ZNF550: variants seen among roughly 807,000 people sequenced by gnomAD.
The protein encoded by ZNF550 is zinc finger protein 550.
ZNF550 carries 42 observed loss-of-function variants against 40.2 expected under a neutral mutation model. The ratio of observed to expected loss-of-function variants is 1.05; its 90% CI spans 0.82 to 1.35. ZNF550 has a LOEUF of 1.35. Ranked by LOEUF, ZNF550 falls within the 40% of genes most tolerant of loss-of-function variation. ZNF550 has a pLI of 0.00. For synonymous variants in ZNF550, 223 were observed against 198.6 expected (o/e 1.12, Z -1.03); for missense variants, 549 against 525.2 (o/e 1.05, Z -0.44).
rs377237892 is a variant in ZNF550, at chr19:57,552,742, T to C, written c.155-20A>G. The C allele has an allele frequency of 2.6e-4, 409 of 1,548,468 alleles. No individual in the cohort carries two copies. The highest frequency in any genetic ancestry group is 4.9e-5 in the Non-Finnish European group (56 of 1,136,116). On this transcript the variant is annotated intron_variant, in intron 2 of 4. Coordinates refer to ENST00000457177, the Ensembl canonical transcript of ZNF550. ...GATGCCCTGTTGATAGCAAAAGAAA[T>C]AGAATAGGGGTAATTTAATGAGAAA...
intron 3 of ZNF550, among the ~76,000 whole-genome samples, chr19:57,548,328 T>C (rs528301114): frequency 2.0e-3 from 308 of 152,300 alleles, no homozygotes; most frequent in African/African-American, 7.1e-3. Context: ...TACATCCATC[T>C]GACAAGGGAT....
chr19:57,547,493 G>A lies in ZNF550; in HGVS notation c.751C>T (p.Leu251Phe), dbSNP rs112259349. 2.8e-5 allele frequency: 45 copies of A among 1,613,772 alleles called. 1 individual carries two copies. The Middle Eastern group carries it at 9.9e-4, about 36-fold the overall frequency. ...TATGGTTTCTCCCCGGTGTGGATGA[G>A]GTAGTGCCGAATGAGAGTTGAGCTC... Residue 251 changes from leucine to phenylalanine, a missense_variant, in exon 4 of 5, where the codon CTC becomes TTC. Transcript: ENST00000457177.
At chr19:57,552,933 A>G (rs116979805) in intron 2 of ZNF550, 2 of 530,524 alleles carry the variant, frequency 3.8e-6, no homozygotes, top group Non-Finnish European at 6.7e-6. Context: ...CTAACACCCA[A>G]CGTGACTGTA....
chr19:57,547,278 T>G, exon 4 of ZNF550: 1 of 1,614,026 alleles, frequency 6.2e-7, no homozygotes, highest in East Asian at 2.2e-5. Flanking sequence ...TGCTAAAGGC[T>G]TTCTCACATT....
chr19:57,544,761 G>A (rs538707043), intron 4 of ZNF550, among the ~76,000 whole-genome samples: 30 of 152,138 alleles, frequency 2.0e-4, no homozygotes, highest in Non-Finnish European at 4.0e-4. Flanking sequence ...TTTTTCACAC[G>A]TTTTAACCTA....
At chr19:57,550,966 A>G (rs2123353564) in intron 3 of ZNF550, among the ~76,000 whole-genome samples, 1 of 152,328 alleles carries the variant, frequency 6.6e-6, no homozygotes, top group South Asian at 2.1e-4. Flanking sequence ...CAATTTGAGT[A>G]CACTTTTTTT....
Position 57,543,534 on chromosome 19 carries a change from T to TCC in ZNF550, c.*519-293_*519-292dup, listed in dbSNP as rs1013121394. 4 of 854,494 alleles carry TCC rather than the reference T, an allele frequency of 4.7e-6. No individual in the cohort carries two copies. The African/African-American group carries it at 7.3e-5, about 16-fold the overall frequency. 52.9% of individuals were successfully genotyped at this position (854,494 alleles called of 1,614,324 possible). On this transcript the variant is annotated intron_variant, in intron 4 of 4. Transcript: ENST00000457177. ...ACCAACTGTGAATGGTCATAACTAG[T>TCC]CCCACCCCCACAATCATTTCTCACA...
chr19:57,544,914 G>A (rs184632833), intron 4 of ZNF550, among the ~76,000 whole-genome samples: 1 of 152,078 alleles, frequency 6.6e-6, no homozygotes, highest in Non-Finnish European at 1.5e-5. Flanking sequence ...CTGAGGTCAG[G>A]AGTTCGAGAC....
chr19:57,544,117 C>T, intron 4 of ZNF550: 1 of 985,398 alleles, frequency 1.0e-6, no homozygotes, highest in East Asian at 1.1e-4. Flanking sequence ...CAGTAAGTTC[C>T]TTCCCTGCTC....
exon 4 of ZNF550, chr19:57,547,987 C>T (rs750240983): frequency 1.2e-6 from 2 of 1,612,172 alleles, no homozygotes; most frequent in Admixed American, 1.7e-5. Flanking sequence ...AACTTGTGCT[C>T]TGTCACCTGA....
chr19:57,543,521 T>C (rs2089979874), intron 4 of ZNF550: 1 of 735,980 alleles, frequency 1.4e-6, no homozygotes, highest in Non-Finnish European at 1.7e-6. Context: ...CAACTGTGAA[T>C]GGTCATAACT....
At chr19:57,559,399 C>T (rs539040505) in intron 1 of ZNF550, among the ~76,000 whole-genome samples, 1 of 152,338 alleles carries the variant, frequency 6.6e-6, no homozygotes, top group South Asian at 2.1e-4. Flanking sequence ...TGCGGTCGCT[C>T]CTCTCACCTG....
chr19:57,549,748 G>A (rs1392504744), intron 3 of ZNF550, among the ~76,000 whole-genome samples: 1 of 152,216 alleles, frequency 6.6e-6, no homozygotes, highest in African/African-American at 2.4e-5. Context: ...CAGCACAAAA[G>A]GGATGGAAGT....
exon 4 of ZNF550, chr19:57,547,691 A>G: frequency 6.2e-7 from 1 of 1,614,172 alleles, no homozygotes; most frequent in East Asian, 2.2e-5. Flanking sequence ...TGTGAGTCAC[A>G]TTCATGGAGA....
At chr19:57,557,792 C>G (rs960313428) in intron 1 of ZNF550, among the ~76,000 whole-genome samples, 1 of 152,198 alleles carries the variant, frequency 6.6e-6, no homozygotes, top group African/African-American at 2.4e-5. Context: ...ATCAGGCCTC[C>G]TGAATCTGAC....
At chr19:57,546,888 T>A in exon 4 of ZNF550, 1 of 1,473,896 alleles carries the variant, frequency 6.8e-7, no homozygotes. Context: ...TTCGAAGGAC[T>A]TCTTCCTACA....
At chr19:57,545,395 T>C (rs1324510678) in intron 4 of ZNF550, among the ~76,000 whole-genome samples, 1 of 152,078 alleles carries the variant, frequency 6.6e-6, no homozygotes, top group Non-Finnish European at 1.5e-5. Context: ...TATAATTCAA[T>C]CCCTAGAAAA....
At chr19:57,547,415 G>A in exon 4 of ZNF550, 1 of 1,613,830 alleles carries the variant, frequency 6.2e-7, no homozygotes, top group Non-Finnish European at 8.5e-7. Context: ...ATTGGATGGT[G>A]CTGCATGAGG....
In ZNF550 at chr19:57,551,652, A is replaced by G. The variant is rs575678408; in HGVS notation, c.250+975T>C. Among the ~76,000 whole-genome samples, 6 of 152,218 alleles carry G rather than the reference A, an allele frequency of 3.9e-5. No individual in the cohort carries two copies. The South Asian group carries it at 1.2e-3, about 32-fold the overall frequency. On this transcript the variant is annotated intron_variant, in intron 3 of 4. Transcript: ENST00000457177. ...ATCAGGAGCTAAAGGTGCCTCTGAGACACTTAAGTGGAGATGTGGGATTGA... is the reference window on the plus strand; with the variant it reads ...ATCAGGAGCTAAAGGTGCCTCTGAGGCACTTAAGTGGAGATGTGGGATTGA...
Sources: gnomAD v4.1 joint callset for allele counts (sites outside exome capture counted in the v4.1 genomes callset) on GRCh38, gnomAD v4.1.1 for gene constraint, MANE v1.5 for transcripts, NCBI Gene and HGNC (gene_info 2026-07-23, HGNC 2026-07-21) for gene names.